The following GPHN variants were observed in gnomAD, a reference collection of about 807,000 sequenced individuals.
GPHN encodes gephyrin.
In GPHN, 17 loss-of-function variants were observed where a neutral mutation model predicts 95.5. That is an observed-to-expected ratio of 0.18 (90% CI 0.12 to 0.27). The LOEUF (loss-of-function observed/expected upper bound fraction) is 0.27. GPHN is among the 10% of genes least tolerant of loss of function. The pLI, the probability that GPHN is intolerant of heterozygous loss-of-function variation, is 1.00. For synonymous variants in GPHN, 320 were observed against 322.5 expected (o/e 0.99, Z 0.08); for missense variants, 660 against 978.1 (o/e 0.67, Z 4.34).
chr14:67,323,712 C>T, the GPHN span: 8 of 1,560,546 alleles, frequency 5.1e-6, no homozygotes, highest in Admixed American at 7.7e-5. Flanking sequence ...TCATTGAAGA[C>T]TCTCCGGAAT....
At chr14:67,225,299 C>A in the GPHN span, 1 of 1,385,018 alleles carries the variant, frequency 7.2e-7, no homozygotes, top group African/African-American at 1.5e-5. Flanking sequence ...TATAGGAATA[C>A]ATGATAGCTA....
the GPHN span, among the ~76,000 whole-genome samples, chr14:67,486,306 T>C: frequency 4.2e-4 from 64 of 152,226 alleles, no homozygotes; most frequent in Non-Finnish European, 1.2e-4. Context: ...GACAGAGTCT[T>C]GCTCTGTTGC....
At chr14:67,614,459 A>T in the GPHN span, among the ~76,000 whole-genome samples, 3 of 152,246 alleles carry the variant, frequency 2.0e-5, no homozygotes, top group South Asian at 6.2e-4. Flanking sequence ...GTCGAACACA[A>T]CCTTCATTAA....
intron 1 of GPHN, among the ~76,000 whole-genome samples, chr14:66,522,739 T>G (rs2139828483): frequency 1.3e-5 from 2 of 152,186 alleles, no homozygotes; most frequent in African/African-American, 4.8e-5. Context: ...TATTTTACCC[T>G]GGATTTACCT....
chr14:66,730,725 T>G (rs1008436876), intron 2 of GPHN, among the ~76,000 whole-genome samples: 1 of 152,230 alleles, frequency 6.6e-6, no homozygotes, highest in Non-Finnish European at 1.5e-5. Context: ...TATCAGCTAA[T>G]TGAAAGCTCC....
At position 67,002,309 on chromosome 14, in the gene GPHN, CTTTTTTTTTTTTT is replaced by C. The variant is rs1177817698; in HGVS notation, c.964-21312_964-21300del. ...TCATGTTTGGAAATTCTTTGTGTTG[CTTTTTTTTTTTTT>C]TTTTTTTTTTTGGATACCTAGAGTC... On this transcript the variant is annotated intron_variant, in intron 9 of 22. Transcript: ENST00000478722. Among the ~76,000 whole-genome samples the C allele has an allele frequency of 1.6e-3, 92 of 58,776 alleles. 5 individuals are homozygous for C. The highest frequency in any genetic ancestry group is 5.9e-3 in the African/African-American group (87 of 14,796). 38.6% of individuals were successfully genotyped at this position (58,776 alleles called of 152,430 possible). A position where few individuals can be genotyped will look rare whatever the true frequency, so the allele number is the denominator to read the frequency against.
intron 4 of GPHN, among the ~76,000 whole-genome samples, chr14:66,838,808 G>A (rs1399844697): frequency 6.6e-6 from 1 of 152,074 alleles, no homozygotes; most frequent in African/African-American, 2.4e-5. Context: ...CACATAAAAT[G>A]TAATAAGATG....
At chr14:67,235,470 C>G in the GPHN span, among the ~76,000 whole-genome samples, 1 of 152,122 alleles carries the variant, frequency 6.6e-6, no homozygotes, top group African/African-American at 2.4e-5. Context: ...AATCCCAGCA[C>G]TTTGGGAGGC....
the GPHN span, chr14:67,722,726 G>C: frequency 6.2e-7 from 1 of 1,607,298 alleles, no homozygotes; most frequent in Non-Finnish European, 8.5e-7. Context: ...TCTTAATTCA[G>C]CAACTCAAAC....
chr14:66,687,199 C>G (rs990963246), intron 2 of GPHN, among the ~76,000 whole-genome samples: 4 of 152,044 alleles, frequency 2.6e-5, no homozygotes, highest in African/African-American at 9.7e-5. Flanking sequence ...TTGGACAGAT[C>G]AACGAGACAG....
chr14:66,873,847 C>T (rs2063544782), intron 4 of GPHN, among the ~76,000 whole-genome samples: 1 of 152,208 alleles, frequency 6.6e-6, no homozygotes, highest in Non-Finnish European at 1.5e-5. Flanking sequence ...AACTTAGTTC[C>T]TTCCTGCCAG....
At chr14:67,150,440 C>CAAA (rs1416536191) in intron 18 of GPHN, among the ~76,000 whole-genome samples, 13 of 16,944 alleles carry the variant, frequency 7.7e-4, no homozygotes, top group African/African-American at 2.7e-3. Flanking sequence ...GACTCCGTCT[C>CAAA]AAAAAAAAAA....
the GPHN span, chr14:67,347,506 T>TC: frequency 6.8e-7 from 1 of 1,480,590 alleles, no homozygotes; most frequent in Non-Finnish European, 9.2e-7. Context: ...TTCTCTCTTT[T>TC]TTTTTTTTTT....
At chr14:67,250,118 A>G in the GPHN span, among the ~76,000 whole-genome samples, 1 of 152,102 alleles carries the variant, frequency 6.6e-6, no homozygotes, top group Non-Finnish European at 1.5e-5. Context: ...CTTGAAAACC[A>G]TTGATGTAGA....
At chr14:66,677,394 G>C (rs2066668318) in intron 1 of GPHN, among the ~76,000 whole-genome samples, 2 of 151,970 alleles carry the variant, frequency 1.3e-5, no homozygotes. Flanking sequence ...AGTGTTTATT[G>C]CTGTAAACTT....
chr14:66,895,363 TGCGGGGA>T (rs2064783034), intron 5 of GPHN, among the ~76,000 whole-genome samples: 2 of 152,174 alleles, frequency 1.3e-5, no homozygotes, highest in Non-Finnish European at 2.9e-5. Flanking sequence ...TGTTGTGGGA[TGCGGGGA>T]GCGGGGAGGG....
At chr14:67,572,039 C>T in the GPHN span, 134 of 1,487,456 alleles carry the variant, frequency 9.0e-5, no homozygotes, top group Admixed American at 2.7e-4. Context: ...CCCCAGAGAC[C>T]GGGTCCCGGG....
chr14:67,290,252 C>T, the GPHN span, among the ~76,000 whole-genome samples: 1 of 151,984 alleles, frequency 6.6e-6, no homozygotes, highest in South Asian at 2.1e-4. Context: ...TTACAATAGT[C>T]GAGAAACTTT....
chr14:67,662,663 T>C, the GPHN span: 7 of 851,642 alleles, frequency 8.2e-6, no homozygotes, highest in East Asian at 1.8e-4. Flanking sequence ...CCCAGCACTT[T>C]GGGAGGCCAA....
Sources: allele counts gnomAD v4.1 joint callset (sites outside exome capture counted in the v4.1 genomes callset), GRCh38; gene constraint gnomAD v4.1.1; transcripts MANE v1.5; gene names NCBI Gene and HGNC (gene_info 2026-07-23, HGNC 2026-07-21).